The following DCUN1D3 variants were observed in gnomAD, a reference collection of about 807,000 sequenced individuals.
DCUN1D3 encodes DCN1-like protein 3.
A neutral mutation model predicts 24.8 loss-of-function variants in DCUN1D3; 6 were observed. The observed-to-expected ratio is 0.24, with a 90% CI of 0.13 to 0.48. DCUN1D3 has a LOEUF of 0.48. Among genes scored for constraint, DCUN1D3 ranks in the 20% least tolerant of loss-of-function variants. The pLI is 0.99. For synonymous variants in DCUN1D3, 120 were observed against 144.9 expected (o/e 0.83, Z 1.24); for missense variants, 258 against 379.4 (o/e 0.68, Z 2.66).
In DCUN1D3 at chr16:20,856,924, C is replaced by G. The variant is rs982875223; in HGVS notation, c.*2962G>C. ...AGTGGCGTCCACATCCTGCCCCTCT[C>G]CACATCACCCTGATGTTCTGTTGCT... On this transcript the variant is annotated 3_prime_UTR_variant, in exon 3 of 3. Coordinates refer to ENST00000324344, the MANE Select transcript of DCUN1D3 (RefSeq NM_173475.4). 1 of 152,224 alleles carries G rather than the reference C, an allele frequency of 6.6e-6. No homozygotes were observed. The allele number at this position is 152,224 out of a possible 1,614,324, so 9.4% of individuals were successfully genotyped here. A position where few individuals can be genotyped will look rare whatever the true frequency, so the allele number is the denominator to read the frequency against.
At chr16:20,876,235 G>A (rs1280547329) in intron 1 of DCUN1D3, among the ~76,000 whole-genome samples, 1 of 152,114 alleles carries the variant, frequency 6.6e-6, no homozygotes, top group African/African-American at 2.4e-5. Context: ...CCAAAGTGCT[G>A]GGATTACAGG....
intron 1 of DCUN1D3, 58 bp from the exon 2 acceptor site, chr16:20,862,701 ACCTTC>A: frequency 6.9e-7 from 1 of 1,447,606 alleles, no homozygotes; most frequent in Non-Finnish European, 9.1e-7. Flanking sequence ...TATGGACCCT[ACCTTC>A]TAGGGTGCAC....
At chr16:20,898,625 T>C (rs556148485) in intron 1 of DCUN1D3, among the ~76,000 whole-genome samples, 127 of 152,362 alleles carry the variant, frequency 8.3e-4, no homozygotes, top group Non-Finnish European at 1.4e-3. Flanking sequence ...TTAAATATTC[T>C]GTTTTTTAGG....
chr16:20,876,092 G>A (rs1199715612), intron 1 of DCUN1D3, among the ~76,000 whole-genome samples: 4 of 151,962 alleles, frequency 2.6e-5, no homozygotes, highest in Admixed American at 6.6e-5. Context: ...TTAGCCTCTC[G>A]AGTAGCTGGG....
At chr16:20,889,252 C>T (rs1329018805) in intron 1 of DCUN1D3, among the ~76,000 whole-genome samples, 3 of 149,886 alleles carry the variant, frequency 2.0e-5, no homozygotes, top group Non-Finnish European at 3.0e-5. Context: ...ATTAGCCAGG[C>T]GTGGTGGCAC....
At chr16:20,863,269 C>A (rs527751347) in intron 1 of DCUN1D3, among the ~76,000 whole-genome samples, 1 of 152,328 alleles carries the variant, frequency 6.6e-6, no homozygotes, top group African/African-American at 2.4e-5. Context: ...ACTCCATCCA[C>A]CTATAGAAAC....
chr16:20,872,944 C>T (rs567836495), intron 1 of DCUN1D3, among the ~76,000 whole-genome samples: 8 of 152,190 alleles, frequency 5.3e-5, no homozygotes, highest in East Asian at 1.9e-4. Context: ...GGTGAAACCC[C>T]GTCTCTACTA....
At chr16:20,890,191 A>C (rs7195273) in intron 1 of DCUN1D3, among the ~76,000 whole-genome samples, 129,369 of 152,178 alleles carry the variant, frequency 0.85, 55,545 homozygotes, top group Non-Finnish European at 0.9. Context: ...ATGACTCATG[A>C]TAGCAAATTA....
Position 20,872,681 on chromosome 16 carries a change from A to C in DCUN1D3, c.-105-10038T>G, listed in dbSNP as rs1251220542. 6.6e-5 allele frequency among the ~76,000 whole-genome samples: 10 copies of C among 152,034 alleles called. 1 individual carries two copies. On this transcript the variant is annotated intron_variant, in intron 1 of 2. Transcript: ENST00000324344. ...GACTCTCTTTCCTGCTGGCAAATTC[A>C]AAAGTATTACATAATTATTTTGTGA... is the stretch of plus-strand genomic sequence containing the variant.
At chr16:20,861,530 C>A (rs1253550279) in intron 2 of DCUN1D3, among the ~76,000 whole-genome samples, 1 of 152,088 alleles carries the variant, frequency 6.6e-6, no homozygotes, top group Non-Finnish European at 1.5e-5. Flanking sequence ...GCTGGGCATA[C>A]AATAAATATC....
At chr16:20,876,646 C>T (rs2081817168) in intron 1 of DCUN1D3, among the ~76,000 whole-genome samples, 1 of 152,168 alleles carries the variant, frequency 6.6e-6, no homozygotes, top group African/African-American at 2.4e-5. Context: ...GAGAGATCTG[C>T]ACTCCCATGT....
At chr16:20,883,512 CA>C (rs777729190) in intron 1 of DCUN1D3, among the ~76,000 whole-genome samples, 30 of 146,988 alleles carry the variant, frequency 2.0e-4, no homozygotes, top group African/African-American at 7.0e-4. Flanking sequence ...AACTCCATCT[CA>C]AAAAAAAAAA....
chr16:20,869,315 A>G (rs2081777250), intron 1 of DCUN1D3, among the ~76,000 whole-genome samples: 2 of 152,244 alleles, frequency 1.3e-5, no homozygotes, highest in South Asian at 2.1e-4. Flanking sequence ...GTACAAATGC[A>G]GACAGGAGAA....
chr16:20,887,541 A>G (rs1308278743), intron 1 of DCUN1D3, among the ~76,000 whole-genome samples: 1 of 152,202 alleles, frequency 6.6e-6, no homozygotes, highest in Non-Finnish European at 1.5e-5. Flanking sequence ...CCCAAGGAAA[A>G]GCAGCAATGG....
intron 1 of DCUN1D3, among the ~76,000 whole-genome samples, chr16:20,865,928 CAA>C (rs753768360): frequency 6.6e-6 from 1 of 152,138 alleles, no homozygotes; most frequent in Non-Finnish European, 1.5e-5. Flanking sequence ...TCTCCACCCG[CAA>C]AGAGAGCAAT....
At chr16:20,884,182 A>G (rs2081858314) in intron 1 of DCUN1D3, among the ~76,000 whole-genome samples, 1 of 152,112 alleles carries the variant, frequency 6.6e-6, no homozygotes, top group African/African-American at 2.4e-5. Flanking sequence ...TCTTATGGAG[A>G]TTATACGACC....
At chr16:20,898,051 T>C (rs1382386781) in intron 1 of DCUN1D3, among the ~76,000 whole-genome samples, 3 of 152,192 alleles carry the variant, frequency 2.0e-5, no homozygotes, top group Non-Finnish European at 2.9e-5. Context: ...GCTCTGGCTA[T>C]TACTCACCCA....
chr16:20,893,450 C>T (rs759783233), intron 1 of DCUN1D3, among the ~76,000 whole-genome samples: 13 of 152,138 alleles, frequency 8.5e-5, no homozygotes, highest in African/African-American at 1.7e-4. Context: ...TGGGATTACA[C>T]GCATGCAGTG....
chr16:20,865,668 C>A (rs1170359045), intron 1 of DCUN1D3, among the ~76,000 whole-genome samples: 1 of 152,144 alleles, frequency 6.6e-6, no homozygotes, highest in African/African-American at 2.4e-5. Context: ...CTTTCATGGA[C>A]CTCTATGATC....
Sources: gnomAD v4.1 joint callset for allele counts (sites outside exome capture counted in the v4.1 genomes callset) on GRCh38, gnomAD v4.1.1 for gene constraint, MANE v1.5 for transcripts, NCBI Gene and HGNC (gene_info 2026-07-23, HGNC 2026-07-21) for gene names.